The following KIF20A variants were observed in gnomAD, a reference collection of about 807,000 sequenced individuals.
KIF20A encodes the protein kinesin-like protein KIF20A.
In KIF20A, 66 loss-of-function variants were observed where a neutral mutation model predicts 113.0. That is an observed-to-expected ratio of 0.58 (90% CI 0.48 to 0.72). The LOEUF (loss-of-function observed/expected upper bound fraction) is 0.72, where lower values mean the gene tolerates loss of function less well. Ranked by LOEUF, KIF20A falls within the 30% of genes least tolerant of loss-of-function variation. The pLI is 0.00. For missense variants in KIF20A, 927 were observed against 1,077.6 expected, an observed-to-expected ratio of 0.86 and a Z score of 1.96; for synonymous variants, 376 against 402.3, an observed-to-expected ratio of 0.93 and a Z score of 0.78.
At chr5:138,181,094 C>T (rs1754653877) in intron 2 of KIF20A, among the ~76,000 whole-genome samples, 1 of 152,240 alleles carries the variant, frequency 6.6e-6, no homozygotes, top group African/African-American at 2.4e-5. Context: ...GTTACTAAGT[C>T]ATGGAATTGG....
Position 138,184,293 on chromosome 5 carries a change from A to G in KIF20A, c.1407A>G (p.Gln469=). 6.2e-7 allele frequency: 1 copy of G among 1,614,140 alleles called. No individual in the cohort carries two copies. The highest frequency in any genetic ancestry group is 1.1e-5 in the South Asian group (1 of 91,082). Residue 469 remains glutamine (Q), a synonymous_variant, in exon 12 of 19, where the codon CAA becomes CAG. Transcript: ENST00000394894. ...ACAGCAAGTTGACTCGAGTGTTCCAAGGTTTCTTCACAGGCCGAGGCCGTT... is the reference window on the plus strand; with the variant it reads ...ACAGCAAGTTGACTCGAGTGTTCCAGGGTTTCTTCACAGGCCGAGGCCGTT... ...FRDSKLTRVF[Q]GFFTGRGRSC...
intron 2 of KIF20A, among the ~76,000 whole-genome samples, chr5:138,180,913 G>A (rs1216813199): frequency 6.6e-6 from 1 of 152,224 alleles, no homozygotes; most frequent in African/African-American, 2.4e-5. Flanking sequence ...CTGACCTCAG[G>A]TGATCCACCC....
chr5:138,184,503 TC>T lies in KIF20A; in HGVS notation c.1519-6del. 1 of 1,610,740 alleles carries T rather than the reference TC, an allele frequency of 6.2e-7. No individual in the cohort carries two copies. On this transcript the variant is annotated splice_polypyrimidine_tract_variant and splice_region_variant and intron_variant, in intron 12 of 18. Coordinates refer to ENST00000394894, the MANE Select transcript of KIF20A (RefSeq NM_005733.3). ...ATGGAGTCAAGTAAGATATTTTTTT[TC>T]CCTCTAGCTTGTGCATGCCCCACCT...
chr5:138,184,565 CA>C lies in KIF20A; in HGVS notation c.1574del (p.Lys525ArgfsTer11), dbSNP rs1304230674. 6.2e-7 allele frequency: 1 copy of C among 1,614,146 alleles called. No individual in the cohort carries two copies. The highest frequency in any genetic ancestry group is 1.7e-5 in the Admixed American group (1 of 60,024). ...LGFPSLHSFI[K>X]EHSLQVSPSL... ...GATTCCCATCCCTGCACTCGTTCAT[CA>C]AGGAACATAGTCTTCAGGTATCCCC... is the stretch of plus-strand genomic sequence containing the variant. On this transcript the variant is annotated frameshift_variant, in exon 13 of 19. Coordinates refer to ENST00000394894, the MANE Select transcript of KIF20A (RefSeq NM_005733.3). LOFTEE classifies it high-confidence loss of function.
Position 138,179,220 on chromosome 5 carries a change from C to T in KIF20A, c.-22+18C>T, listed in dbSNP as rs570929720. The T allele has an allele frequency of 5.1e-6, 1 of 194,240 alleles. No individual in the cohort carries two copies. Among genetic ancestry groups the T allele is most frequent in the Middle Eastern group, 2.5e-3 (1 of 408 alleles). 12.0% of individuals were successfully genotyped at this position (194,240 alleles called of 1,614,324 possible). On this transcript the variant is annotated intron_variant, in intron 1 of 18. Coordinates refer to ENST00000394894, the MANE Select transcript of KIF20A (RefSeq NM_005733.3). ...GTCTTCGGGTGAGTGTGCGGCTGTG[C>T]TGGAGCCCGGGTTACCAGCTCTTGC...
downstream of KIF20A, chr5:138,187,723 A>AT (rs1280462464): frequency 1.1e-5 from 3 of 260,894 alleles, no homozygotes; most frequent in Non-Finnish European, 2.2e-5. Context: ...GGACAGAAAA[A>AT]TTAAGAATCA....
chr5:138,183,470 A>G lies in KIF20A; in HGVS notation c.1028A>G (p.Asp343Gly), dbSNP rs778546260. ...EDQNGNPYVK[D>G]LNWIHVQDAE... ...TTACACCCCTCTCCTTTGGCCCCAG[A>G]TCTCAACTGGATTCATGTGCAAGAT... Residue 343 changes from aspartate to glycine, a missense_variant and splice_region_variant, in exon 9 of 19, where the codon GAT becomes GGT. Coordinates refer to ENST00000394894, the MANE Select transcript of KIF20A (RefSeq NM_005733.3). The surrounding 1 kb of genome is among the most constrained non-coding windows in gnomAD (Gnocchi z 5.2). 2 of 1,614,026 alleles carry G rather than the reference A, an allele frequency of 1.2e-6. No homozygotes were observed. Among genetic ancestry groups the G allele is most frequent in the Non-Finnish European group, 1.7e-6 (2 of 1,179,886 alleles).
chr5:138,184,657 T>C lies in KIF20A; in HGVS notation c.1664T>C (p.Ile555Thr), dbSNP rs374372473. Residue 555 changes from isoleucine to threonine, a missense_variant, in exon 13 of 19, where the codon ATC (isoleucine) becomes ACC (threonine). Ile to Thr is a moderately conservative substitution (Grantham distance 89, BLOSUM62 -1). Coordinates refer to ENST00000394894, the MANE Select transcript of KIF20A (RefSeq NM_005733.3). ...GATGATATTGAAAATGAAGCTGACA[T>C]CTCCATGTATGGCAAAGAGGTGAGA... ...LDDDIENEAD[I>T]SMYGKEELLQ... 3 of 1,613,910 alleles carry C rather than the reference T, an allele frequency of 1.9e-6. No individual in the cohort carries two copies. The highest frequency in any genetic ancestry group is 2.5e-6 in the Non-Finnish European group (3 of 1,179,972).
intron 11 of KIF20A, 53 bp from the exon 12 acceptor site, chr5:138,184,186 C>G: frequency 3.7e-6 from 6 of 1,610,378 alleles, no homozygotes; most frequent in Non-Finnish European, 5.1e-6. Flanking sequence ...TGCTAGGATA[C>G]CCAAAGGGCT....
chr5:138,184,252 C>T lies in KIF20A; in HGVS notation c.1366C>T (p.Leu456=), dbSNP rs1183336556. The T allele has an allele frequency of 2.5e-6, 4 of 1,613,986 alleles. No homozygotes were observed. The African/African-American group carries it at 4.0e-5, about 16-fold the overall frequency. ...QNQQNRSKQN[L]VPFRDSKLTR... ...ATTCTCTGCCAGGTCAAAGCAGAAC[C>T]TGGTTCCCTTCCGTGACAGCAAGTT... Residue 456 remains leucine (L), a synonymous_variant, in exon 12 of 19, where the codon CTG becomes TTG. Coordinates refer to ENST00000394894, the MANE Select transcript of KIF20A (RefSeq NM_005733.3).
At position 138,182,332 on chromosome 5, in the gene KIF20A, C is replaced by T. The variant is rs767928954; in HGVS notation, c.385C>T (p.Pro129Ser). Residue 129 changes from proline (P) to serine (S), a missense_variant, in exon 5 of 19, where the codon CCA becomes TCA. Physicochemically the swap from Pro to Ser is moderately conservative, Grantham distance 74. Transcript: ENST00000394894. ...HRFTFSQIFGPEVGQASFFNL... is the reference protein window; with the variant it reads ...HRFTFSQIFGSEVGQASFFNL... ...CTGGGTCTCTCTCTAGATCTTTGGG[C>T]CAGAAGTGGGACAGGCATCCTTCTT... The T allele has an allele frequency of 1.4e-5, 23 of 1,613,188 alleles. No individual in the cohort carries two copies. In the Admixed American group the frequency reaches 2.5e-4, roughly 18 times the overall value.
At position 138,185,180 on chromosome 5, in the gene KIF20A, T is replaced by TA; in HGVS notation, c.1910dup (p.Tyr637Ter). 6.2e-7 allele frequency: 1 copy of TA among 1,612,954 alleles called. No homozygotes were observed. Among genetic ancestry groups the TA allele is most frequent in the Non-Finnish European group, 8.5e-7 (1 of 1,179,058 alleles). The part of the protein sequence containing the change: ...NILKESLTSF[Y>*]QEEIQERDEK... The stretch of plus-strand genomic sequence containing the variant: ...CCTCAAGGAGTCACTGACAAGTTTT[T>TA]ACCAAGAAGAGATTCAGGTGAGTTG... The change falls in exon 15 of 19, where the codon TAC (tyrosine) becomes TAAC (stop). Residue 637 changes from tyrosine (Y) to a stop codon, truncating the protein, a stop_gained and frameshift_variant. Transcript: ENST00000394894. LOFTEE classifies it high-confidence loss of function.
chr5:138,187,043 T>C (rs917655054), intron 18 of KIF20A, 53 bp from the exon 19 acceptor site: 1 of 1,400,024 alleles, frequency 7.1e-7, no homozygotes, highest in Non-Finnish European at 9.8e-7. Context: ...CCCTCTCGTT[T>C]CTCTAATATA....
rs1166310283 is a variant in KIF20A, at chr5:138,186,231, C to G, written c.2218-63C>G. Reference sequence around the variant, plus strand: ...ACTTCTCTTCAAATGGCTACCTGACCCCTCCAGATCATTATCCTGGTTGCT... The same window carrying G: ...ACTTCTCTTCAAATGGCTACCTGACGCCTCCAGATCATTATCCTGGTTGCT... On this transcript the variant is annotated intron_variant, in intron 17 of 18. Transcript: ENST00000394894. 3 of 1,555,944 alleles carry G rather than the reference C, an allele frequency of 1.9e-6. No homozygotes were observed. The African/African-American group carries it at 4.1e-5, about 21-fold the overall frequency.
At chr5:138,180,658 C>A (rs1317071119) in intron 2 of KIF20A, among the ~76,000 whole-genome samples, 7 of 151,784 alleles carry the variant, frequency 4.6e-5, no homozygotes, top group Non-Finnish European at 1.0e-4. Flanking sequence ...CTCTAAATAT[C>A]TGGGTTTTTT....
chr5:138,187,338 C>T lies in KIF20A; in HGVS notation c.2598C>T (p.Cys866=), dbSNP rs1296132058. The T allele has an allele frequency of 2.5e-6, 4 of 1,614,080 alleles. No homozygotes were observed. The highest frequency in any genetic ancestry group is 1.3e-5 in the African/African-American group (1 of 74,936). The change falls in exon 19 of 19, where the codon TGC becomes TGT. Residue 866 remains cysteine (C), a synonymous_variant. Transcript: ENST00000394894. ...CAACCTGCCAAAGCTCAACAGACTGCAGCCCTTATGCCCGGATCCTACGCT... is the reference window on the plus strand; with the variant it reads ...CAACCTGCCAAAGCTCAACAGACTGTAGCCCTTATGCCCGGATCCTACGCT... ...RTPTCQSSTD[C]SPYARILRSR...
chr5:138,179,907 A>T, intron 2 of KIF20A, 62 bp downstream of exon 2: 1 of 1,549,750 alleles, frequency 6.5e-7, no homozygotes, highest in Non-Finnish European at 8.8e-7. Context: ...AATTGTCCAT[A>T]CAGGGTAGTA....
chr5:138,179,977 G>C, intron 2 of KIF20A, 132 bp downstream of exon 2: 1 of 898,406 alleles, frequency 1.1e-6, no homozygotes, highest in South Asian at 2.6e-5. Flanking sequence ...AGGGCATTTA[G>C]GACAAAATGG....
At chr5:138,179,616 C>T in intron 1 of KIF20A, 44 bp from the exon 2 acceptor site, 1 of 1,581,386 alleles carries the variant, frequency 6.3e-7, no homozygotes, top group Non-Finnish European at 8.7e-7. Context: ...CCCCTTCTGT[C>T]CCTAAAGGTT....
Sources: gnomAD v4.1 joint callset for allele counts (sites outside exome capture counted in the v4.1 genomes callset) on GRCh38, gnomAD v4.1.1 for gene constraint, Gnocchi (gnomAD v3.1) non-coding constraint, MANE v1.5 for transcripts, NCBI Gene and HGNC (gene_info 2026-07-23, HGNC 2026-07-21) for gene names.